The following NPRL3 variants were observed in gnomAD, a reference collection of about 807,000 sequenced individuals.
NPRL3 encodes the protein NPR3 like, GATOR1 complex subunit.
A neutral mutation model predicts 57.2 loss-of-function variants in NPRL3; 23 were observed. The observed-to-expected ratio is 0.40, with a 90% CI of 0.29 to 0.57. The LOEUF (loss-of-function observed/expected upper bound fraction) is 0.57, where lower values mean the gene tolerates loss of function less well. Ranked by LOEUF, NPRL3 falls within the 20% of genes least tolerant of loss-of-function variation. NPRL3 has a pLI of 0.42. For missense variants in NPRL3, 691 were observed against 767.1 expected, an observed-to-expected ratio of 0.90 and a Z score of 1.17; for synonymous variants, 333 against 321.1, an observed-to-expected ratio of 1.04 and a Z score of -0.39.
chr16:113,257 T>C (rs1899893512), intron 5 of NPRL3, among the ~76,000 whole-genome samples: 1 of 152,150 alleles, frequency 6.6e-6, no homozygotes, highest in South Asian at 2.1e-4. Flanking sequence ...AAGAATTCAG[T>C]CACGACAGGC....
rs1898481525 is a variant in NPRL3 at position 86,635 on chromosome 16, G to A, written c.*70C>T. On this transcript the variant is annotated 3_prime_UTR_variant, in exon 14 of 14. Coordinates refer to ENST00000611875, the MANE Select transcript of NPRL3 (RefSeq NM_001077350.3). ...AAGAGGGCTCAGCCTCAGCACGGGG[G>A]GAGCCCTGGGGTGGGGAGACGCGAG... 1.4e-6 allele frequency: 2 copies of A among 1,444,432 alleles called. No homozygotes were observed. Among genetic ancestry groups the A allele is most frequent in the East Asian group, 5.0e-5 (2 of 39,972 alleles). 89.5% of individuals were successfully genotyped at this position (1,444,432 alleles called of 1,614,324 possible).
chr16:114,418 G>T (rs1171034082), intron 5 of NPRL3, among the ~76,000 whole-genome samples: 111 of 152,308 alleles, frequency 7.3e-4, no homozygotes, highest in Non-Finnish European at 2.9e-4. Context: ...GAAGTTTAAG[G>T]CATCACGCAT....
intron 2 of NPRL3, among the ~76,000 whole-genome samples, chr16:132,918 C>G (rs1046367902): frequency 6.6e-5 from 10 of 152,164 alleles, no homozygotes; most frequent in Non-Finnish European, 4.4e-5. Flanking sequence ...ATCCGCCCAC[C>G]TCGGCCTCCC....
chr16:135,678 TTAA>T (rs1328670252), intron 2 of NPRL3, among the ~76,000 whole-genome samples: 3 of 151,450 alleles, frequency 2.0e-5, no homozygotes, highest in Non-Finnish European at 4.4e-5. Flanking sequence ...ATTGTTGTTG[TTAA>T]TAATTTTGGA....
intron 3 of NPRL3, chr16:126,424 AAT>A (rs1900519500): frequency 4.7e-5 from 3 of 64,134 alleles, no homozygotes; most frequent in Non-Finnish European, 7.6e-5. Context: ...TACGTCTCAA[AAT>A]AATAATAATA....
chr16:131,728 G>C (rs1900813598), intron 2 of NPRL3, among the ~76,000 whole-genome samples: 1 of 151,992 alleles, frequency 6.6e-6, no homozygotes, highest in Non-Finnish European at 1.5e-5. Flanking sequence ...CTGAAGGCTG[G>C]GGTGCTGTAG....
intron 7 of NPRL3, among the ~76,000 whole-genome samples, chr16:102,714 C>T (rs1365864752): frequency 6.6e-6 from 1 of 152,208 alleles, no homozygotes. Context: ...TTCTGGCTGC[C>T]CCAGGCCAGA....
chr16:101,393 G>A (rs1482008894), intron 7 of NPRL3, among the ~76,000 whole-genome samples: 1 of 152,180 alleles, frequency 6.6e-6, no homozygotes, highest in Non-Finnish European at 1.5e-5. Context: ...ATACCAAGTG[G>A]TCACCACAAG....
intron 12 of NPRL3, chr16:89,267 G>A: frequency 1.1e-5 from 3 of 278,030 alleles, no homozygotes; most frequent in Non-Finnish European, 2.0e-5. Flanking sequence ...CAGCCAAGGG[G>A]GGACTTTCAA....
intron 11 of NPRL3, 118 bp downstream of exon 11, chr16:92,478 A>G: frequency 2.3e-6 from 3 of 1,328,522 alleles, no homozygotes; most frequent in Non-Finnish European, 3.1e-6. Context: ...AGCCCCCAAA[A>G]CCAAGGAGAA....
chr16:85,616 C>G lies in NPRL3; in HGVS notation c.*1089G>C. 6.2e-7 allele frequency: 1 copy of G among 1,604,224 alleles called. No homozygotes were observed. The highest frequency in any genetic ancestry group is 8.5e-7 in the Non-Finnish European group (1 of 1,172,912). On this transcript the variant is annotated 3_prime_UTR_variant, in exon 14 of 14. Coordinates refer to ENST00000611875, the MANE Select transcript of NPRL3 (RefSeq NM_001077350.3). Reference sequence around the variant, plus strand: ...ACAGGATGAAGCTGTATGGCTGGAGCGTGGTCCCCTGGAGCCCAGTGAGCC... The same window carrying G: ...ACAGGATGAAGCTGTATGGCTGGAGGGTGGTCCCCTGGAGCCCAGTGAGCC...
In NPRL3 at chr16:114,430, A is replaced by C. The variant is rs115951913; in HGVS notation, c.394-1655T>G. 2.2e-3 allele frequency among the ~76,000 whole-genome samples: 336 copies of C among 152,350 alleles called. 1 individual carries two copies. The highest frequency in any genetic ancestry group is 7.9e-3 in the African/African-American group (327 of 41,580). The stretch of plus-strand genomic sequence containing the variant: ...CAGGAAGTTTAAGGCATCACGCATG[A>C]GACTTTCTCATCCCCAAAACTTGTA... On this transcript the variant is annotated intron_variant, in intron 5 of 13. Transcript: ENST00000611875.
intron 2 of NPRL3, among the ~76,000 whole-genome samples, chr16:135,263 A>G (rs1901017789): frequency 2.0e-5 from 3 of 152,246 alleles, no homozygotes; most frequent in African/African-American, 7.2e-5. Flanking sequence ...AAAGGCAACC[A>G]TGCAGTTCAT....
At chr16:88,233 T>G (rs1328339462) in intron 13 of NPRL3, among the ~76,000 whole-genome samples, 4 of 152,012 alleles carry the variant, frequency 2.6e-5, no homozygotes, top group South Asian at 2.1e-4. Context: ...GCACTTAAAT[T>G]AGCCGGGCGT....
At chr16:103,796 T>G (rs1371914560) in intron 7 of NPRL3, among the ~76,000 whole-genome samples, 1 of 152,024 alleles carries the variant, frequency 6.6e-6, no homozygotes, top group Admixed American at 6.6e-5. Flanking sequence ...CTGGCCAACA[T>G]GGTGAAACCC....
Position 86,451 on chromosome 16 carries a change from T to G in NPRL3, c.*254A>C. 1 of 466,944 alleles carries G rather than the reference T, an allele frequency of 2.1e-6. No individual in the cohort carries two copies. Among genetic ancestry groups the G allele is most frequent in the Non-Finnish European group, 3.9e-6 (1 of 256,810 alleles). 28.9% of individuals were successfully genotyped at this position (466,944 alleles called of 1,614,324 possible). A position where few individuals can be genotyped will look rare whatever the true frequency, so the allele number is the denominator to read the frequency against. ...AGTCCTGGCAGGCCCCCCTCCAGCG[T>G]GGAGATGCCTACGCGTGCGGCAAGG... On this transcript the variant is annotated 3_prime_UTR_variant, in exon 14 of 14. Coordinates refer to ENST00000611875, the MANE Select transcript of NPRL3 (RefSeq NM_001077350.3).
chr16:88,351 G>A (rs887983968), intron 13 of NPRL3, among the ~76,000 whole-genome samples: 1 of 148,192 alleles, frequency 6.7e-6, no homozygotes, highest in Admixed American at 6.7e-5. Context: ...ACTGCAGTCC[G>A]CAGTCCGGCC....
intron 9 of NPRL3, among the ~76,000 whole-genome samples, chr16:96,812 CA>C (rs1412743412): frequency 6.6e-6 from 1 of 152,074 alleles, no homozygotes; most frequent in African/African-American, 2.4e-5. Context: ...TACAAGGGCA[CA>C]ATTTGGTAAG....
chr16:134,215 C>A (rs1213022180), intron 2 of NPRL3, among the ~76,000 whole-genome samples: 7 of 151,586 alleles, frequency 4.6e-5, no homozygotes, highest in Non-Finnish European at 8.8e-5. Flanking sequence ...TGAGGTAGGC[C>A]CCTATGCACA....
Sources: gnomAD v4.1 joint callset for allele counts (sites outside exome capture counted in the v4.1 genomes callset) on GRCh38, gnomAD v4.1.1 for gene constraint, MANE v1.5 for transcripts, NCBI Gene and HGNC (gene_info 2026-07-23, HGNC 2026-07-21) for gene names.